Variants in GRIA1 observed in about 807,000 individuals in gnomAD.
GRIA1 encodes the protein glutamate receptor 1.
Under a neutral mutation model 99.2 loss-of-function variants are expected in GRIA1, and 31 were observed. That is an observed-to-expected ratio of 0.31 (90% CI 0.23 to 0.42). GRIA1 has a LOEUF of 0.42. Ranked by LOEUF, GRIA1 falls within the 10% of genes least tolerant of loss-of-function variation. GRIA1 has a pLI of 1.00. For synonymous variants in GRIA1, 438 were observed against 432.4 expected, an observed-to-expected ratio of 1.01 and a Z score of -0.16; for missense variants, 782 against 1,157.5, an observed-to-expected ratio of 0.68 and a Z score of 4.71.
chr5:153,697,764 C>G (rs79359811), intron 8 of GRIA1, among the ~76,000 whole-genome samples: 2,674 of 152,296 alleles, frequency 0.018, 88 homozygotes, highest in African/African-American at 0.06. Flanking sequence ...TTGTACAAAA[C>G]AGACTGGCTG....
intron 2 of GRIA1, among the ~76,000 whole-genome samples, chr5:153,531,462 T>C (rs1210520348): frequency 5.3e-5 from 8 of 152,212 alleles, no homozygotes; most frequent in Non-Finnish European, 1.0e-4. Context: ...TTTCTAAATA[T>C]CCTCACCCAA....
intron 15 of GRIA1, among the ~76,000 whole-genome samples, chr5:153,802,778 C>T (rs768942718): frequency 1.3e-4 from 20 of 152,210 alleles, no homozygotes; most frequent in Non-Finnish European, 2.2e-4. Flanking sequence ...GGTAGCGCAG[C>T]GAGAGGCAAG....
chr5:153,547,865 C>A (rs1330771921), intron 2 of GRIA1, among the ~76,000 whole-genome samples: 1 of 152,072 alleles, frequency 6.6e-6, no homozygotes, highest in Non-Finnish European at 1.5e-5. Context: ...GTCTGAGAGA[C>A]ACTGAATCAG....
intron 8 of GRIA1, among the ~76,000 whole-genome samples, chr5:153,691,973 A>G (rs760673930): frequency 2.0e-4 from 31 of 152,298 alleles, no homozygotes; most frequent in Middle Eastern, 3.4e-3. Flanking sequence ...AGAGCCCTCA[A>G]TGCTGCTTCC....
At chr5:153,540,805 G>GA (rs1374403664) in intron 2 of GRIA1, among the ~76,000 whole-genome samples, 2 of 152,262 alleles carry the variant, frequency 1.3e-5, no homozygotes, top group East Asian at 3.9e-4. Flanking sequence ...CAAAAAAGGA[G>GA]AAAAACCCAG....
At chr5:153,683,577 G>T (rs1422655370) in intron 7 of GRIA1, among the ~76,000 whole-genome samples, 1 of 152,192 alleles carries the variant, frequency 6.6e-6, no homozygotes, top group Non-Finnish European at 1.5e-5. Context: ...CTAGAACTGT[G>T]CAGGTAGGAC....
intron 1 of GRIA1, 65 bp downstream of exon 1, chr5:153,491,035 G>C: frequency 6.9e-7 from 1 of 1,444,824 alleles, no homozygotes. Flanking sequence ...TTGGGGATAG[G>C]GGTTGTGTAC....
chr5:153,498,092 G>A (rs1754620935), intron 2 of GRIA1, among the ~76,000 whole-genome samples: 1 of 152,098 alleles, frequency 6.6e-6, no homozygotes, highest in Non-Finnish European at 1.5e-5. Context: ...TAAGAACCAT[G>A]GAATTTCACA....
intron 2 of GRIA1, among the ~76,000 whole-genome samples, chr5:153,545,894 C>T (rs1210273885): frequency 6.6e-6 from 1 of 152,152 alleles, no homozygotes; most frequent in Non-Finnish European, 1.5e-5. Flanking sequence ...TCGGCCAACC[C>T]CTGTTTAAGG....
chr5:153,786,317 G>C (rs746697215), intron 13 of GRIA1, among the ~76,000 whole-genome samples: 3 of 151,714 alleles, frequency 2.0e-5, no homozygotes, highest in Non-Finnish European at 2.9e-5. Context: ...TACACTCCTC[G>C]GGTGGGGACT....
At chr5:153,561,548 T>C in intron 2 of GRIA1, among the ~76,000 whole-genome samples, 1 of 152,288 alleles carries the variant, frequency 6.6e-6, no homozygotes, top group South Asian at 2.1e-4. Flanking sequence ...TAACTGCTAG[T>C]TACTATATGG....
intron 11 of GRIA1, among the ~76,000 whole-genome samples, chr5:153,744,280 T>C (rs1395657572): frequency 6.6e-6 from 1 of 152,220 alleles, no homozygotes; most frequent in Non-Finnish European, 1.5e-5. Context: ...AACATTAGTC[T>C]TTTATAATAC....
chr5:153,741,572 G>A (rs1248743777), intron 11 of GRIA1, among the ~76,000 whole-genome samples: 1 of 152,118 alleles, frequency 6.6e-6, no homozygotes, highest in Non-Finnish European at 1.5e-5. Flanking sequence ...TATTTTTCAG[G>A]CTTAAAAAAG....
At chr5:153,689,780 G>A (rs1012487263) in intron 8 of GRIA1, among the ~76,000 whole-genome samples, 1 of 152,136 alleles carries the variant, frequency 6.6e-6, no homozygotes, top group African/African-American at 2.4e-5. Flanking sequence ...TACTCACATT[G>A]TTCCTCTCCT....
intron 11 of GRIA1, among the ~76,000 whole-genome samples, chr5:153,739,209 A>C (rs989818783): frequency 6.6e-6 from 1 of 151,118 alleles, no homozygotes; most frequent in African/African-American, 2.4e-5. Flanking sequence ...GCACCTTTCC[A>C]CCAAGGATCT....
intron 5 of GRIA1, among the ~76,000 whole-genome samples, chr5:153,669,705 AC>A (rs1270787449): frequency 1.3e-5 from 2 of 152,210 alleles, no homozygotes; most frequent in Admixed American, 6.5e-5. Flanking sequence ...CCAATTCTAT[AC>A]TTCATAGAAG....
chr5:153,552,556 C>A (rs970046539), intron 2 of GRIA1, among the ~76,000 whole-genome samples: 13 of 152,042 alleles, frequency 8.6e-5, no homozygotes, highest in Non-Finnish European at 1.9e-4. Flanking sequence ...GCATCCAGTA[C>A]CAATTAAATA....
chr5:153,748,956 G>A (rs570345126), intron 11 of GRIA1, among the ~76,000 whole-genome samples: 1 of 152,290 alleles, frequency 6.6e-6, no homozygotes, highest in Non-Finnish European at 1.5e-5. Flanking sequence ...CAGCCTCTGT[G>A]TATACAGGCC....
At chr5:153,622,129 C>T (rs774522440) in intron 2 of GRIA1, among the ~76,000 whole-genome samples, 2 of 152,162 alleles carry the variant, frequency 1.3e-5, no homozygotes, top group Non-Finnish European at 1.5e-5. Context: ...TGAAAATTCT[C>T]GAGCCCCATC....
Sources: allele counts gnomAD v4.1 joint callset (sites outside exome capture counted in the v4.1 genomes callset), GRCh38; gene constraint gnomAD v4.1.1; transcripts MANE v1.5; gene names NCBI Gene and HGNC (gene_info 2026-07-23, HGNC 2026-07-21).